Variants in SLC15A2 observed in about 807,000 individuals in gnomAD.
SLC15A2 encodes the protein kidney H(+)/peptide cotransporter.
In SLC15A2, 77 loss-of-function variants were observed where a neutral mutation model predicts 95.5. That is an observed-to-expected ratio of 0.81 (90% confidence interval 0.67 to 0.97). The LOEUF is 0.97. SLC15A2 is among the 50% of genes least tolerant of loss of function. SLC15A2 has a pLI of 0.00. For missense variants in SLC15A2, 893 were observed against 874.4 expected (o/e 1.02, Z -0.27); for synonymous variants, 306 against 306.9 (o/e 1.00, Z 0.03).
At chr3:121,915,198 G>C (rs760058797) in intron 5 of SLC15A2, 29 bp from the exon 6 acceptor site, 17 of 1,534,600 alleles carry the variant, frequency 1.1e-5, no homozygotes, top group Non-Finnish European at 1.4e-5. Flanking sequence ...GGGACACATT[G>C]CACTGATGAT....
At chr3:121,897,932 C>T (rs185034013) in intron 3 of SLC15A2, among the ~76,000 whole-genome samples, 2 of 152,220 alleles carry the variant, frequency 1.3e-5, no homozygotes, top group African/African-American at 4.8e-5. Context: ...GAGGCCGAGG[C>T]GGGCAGATTG....
intron 20 of SLC15A2, 87 bp downstream of exon 20, chr3:121,939,582 G>C: frequency 8.2e-7 from 1 of 1,213,956 alleles, no homozygotes; most frequent in Non-Finnish European, 1.1e-6. Flanking sequence ...AAATAGGTAT[G>C]TTATCTCTTT....
rs778534312 is a variant in SLC15A2 at position 121,911,583 on chromosome 3, C to T, written c.345C>T (p.Ile115=). 3 of 1,613,276 alleles carry T rather than the reference C, an allele frequency of 1.9e-6. No homozygotes were observed. In the South Asian group the frequency reaches 3.3e-5, roughly 18 times the overall value. ...TTAGCTCTCTCAACAGGACAATCAT[C>T]TATCTCTCCTTGGTGTATGTGCTTG... ...DSWLGKFKTI[I]YLSLVYVLGH... The change falls in exon 4 of 22, where the codon ATC becomes ATT. Residue 115 remains isoleucine, a synonymous_variant. Coordinates refer to ENST00000489711, the MANE Select transcript of SLC15A2 (RefSeq NM_021082.4).
chr3:121,941,425 GT>G lies in SLC15A2; in HGVS notation c.*429del, dbSNP rs370093110. 1,912 of 148,808 alleles carry G rather than the reference GT, an allele frequency of 0.013. 34 individuals are homozygous for G. The highest frequency in any genetic ancestry group is 0.041 in the African/African-American group (1,650 of 40,534). 9.2% of individuals were successfully genotyped at this position (148,808 alleles called of 1,614,324 possible). On this transcript the variant is annotated 3_prime_UTR_variant, in exon 22 of 22. Transcript: ENST00000489711. ...GAATAACAAAGAAATGGTATTTCAA[GT>G]TTTTTTTTTTATAAGCAATGTAATT...
chr3:121,937,543 C>G (rs1467287481), intron 19 of SLC15A2, among the ~76,000 whole-genome samples: 1 of 151,108 alleles, frequency 6.6e-6, no homozygotes, highest in African/African-American at 2.4e-5. Flanking sequence ...ACCCTTTCTT[C>G]CAGTGGATCG....
chr3:121,937,444 C>A, intron 19 of SLC15A2, among the ~76,000 whole-genome samples: 1 of 136,446 alleles, frequency 7.3e-6, no homozygotes, highest in Non-Finnish European at 1.6e-5. Context: ...TCCCATATTT[C>A]TTGGAGGCTT....
chr3:121,913,076 C>T lies in SLC15A2; in HGVS notation c.484C>T (p.Pro162Ser), dbSNP rs867335865. Residue 162 changes from proline to serine, a missense_variant, in exon 5 of 22, where the codon CCC (proline) becomes TCC (serine). Coordinates refer to ENST00000489711, the MANE Select transcript of SLC15A2 (RefSeq NM_021082.4). ...LIALGTGGIK[P>S]CVAAFGGDQF... is the part of the protein sequence containing the mutation. ...AGCTTTGGGGACAGGAGGCATCAAA[C>T]CCTGTGTGGCAGCTTTTGGTGGAGA... The T allele has an allele frequency of 6.2e-7, 1 of 1,613,916 alleles. No homozygotes were observed. The highest frequency in any genetic ancestry group is 8.5e-7 in the Non-Finnish European group (1 of 1,179,862).
In SLC15A2 at chr3:121,897,681, A is replaced by G. The variant is rs1920303; in HGVS notation, c.335+152A>G. On this transcript the variant is annotated intron_variant, in intron 3 of 21. Transcript: ENST00000489711. Reference sequence around the variant, plus strand: ...ATCTGTGTAGTGTGGGAAATTTAAAAAAAAAGAATCTCTGTGGTAACAAGG... The same window carrying G: ...ATCTGTGTAGTGTGGGAAATTTAAAGAAAAAGAATCTCTGTGGTAACAAGG... 5,497 of 735,048 alleles carry G rather than the reference A, an allele frequency of 7.5e-3. 208 individuals are homozygous for G. In the African/African-American group the frequency reaches 0.087, roughly 12 times the overall value. 45.5% of individuals were successfully genotyped at this position (735,048 alleles called of 1,614,324 possible).
intron 3 of SLC15A2, among the ~76,000 whole-genome samples, chr3:121,905,428 T>G (rs193111929): frequency 7.8e-4 from 119 of 152,346 alleles, no homozygotes; most frequent in African/African-American, 2.6e-3. Context: ...CTAGTTCTTT[T>G]AATGGTGATG....
Position 121,923,058 on chromosome 3 carries a change from G to A in SLC15A2, c.886G>A (p.Val296Ile). The change falls in exon 10 of 22, where the codon GTA becomes ATA. Residue 296 changes from valine to isoleucine, a missense_variant. Val to Ile is a conservative substitution (Grantham distance 29). Coordinates refer to ENST00000489711, the MANE Select transcript of SLC15A2 (RefSeq NM_021082.4). ...TTCGCAGAAGCAGCTCATTATGGAT[G>A]TAAAGGCACTGACCAGGGTACTATT... ...EKYPKQLIMD[V>I]KALTRVLFLY... 6.2e-7 allele frequency: 1 copy of A among 1,613,956 alleles called. No individual in the cohort carries two copies. The highest frequency in any genetic ancestry group is 1.1e-5 in the South Asian group (1 of 91,068).
intron 7 of SLC15A2, among the ~76,000 whole-genome samples, chr3:121,922,018 T>A (rs1310827556): frequency 2.0e-5 from 3 of 152,184 alleles, no homozygotes; most frequent in Non-Finnish European, 4.4e-5. Flanking sequence ...GAAATGTAAG[T>A]CAGCTCCCTC....
intron 19 of SLC15A2, among the ~76,000 whole-genome samples, chr3:121,937,838 G>A (rs976817768): frequency 2.0e-5 from 3 of 152,090 alleles, no homozygotes; most frequent in Non-Finnish European, 4.4e-5. Flanking sequence ...GAGGAGAGGT[G>A]CTCTGCTTTT....
intron 19 of SLC15A2, among the ~76,000 whole-genome samples, chr3:121,938,972 A>C (rs1710405664): frequency 2.0e-5 from 3 of 152,376 alleles, no homozygotes; most frequent in South Asian, 4.1e-4. Flanking sequence ...CTCAAAGAAT[A>C]AACACACCCT....
At chr3:121,916,555 A>C (rs1709897559) in intron 7 of SLC15A2, among the ~76,000 whole-genome samples, 1 of 152,192 alleles carries the variant, frequency 6.6e-6, no homozygotes, top group South Asian at 2.1e-4. Flanking sequence ...ATGCCAAGGA[A>C]ATTTATTATA....
At chr3:121,920,746 G>T (rs1006682510) in intron 7 of SLC15A2, among the ~76,000 whole-genome samples, 1 of 152,198 alleles carries the variant, frequency 6.6e-6, no homozygotes, top group Non-Finnish European at 1.5e-5. Context: ...ATGAGAAAAA[G>T]TGGTAGAGTG....
intron 10 of SLC15A2, 28 bp downstream of exon 10, chr3:121,923,157 G>A (rs766754572): frequency 1.6e-5 from 26 of 1,612,194 alleles, no homozygotes; most frequent in South Asian, 2.2e-5. Context: ...GGACATTACC[G>A]CTCCTTACAG....
At chr3:121,903,794 A>G (rs1473733224) in intron 3 of SLC15A2, among the ~76,000 whole-genome samples, 1 of 152,160 alleles carries the variant, frequency 6.6e-6, no homozygotes, top group Non-Finnish European at 1.5e-5. Context: ...TGATGCCTCC[A>G]GCTTTGTTCT....
intron 14 of SLC15A2, 99 bp downstream of exon 14, chr3:121,927,938 G>T (rs948947153): frequency 1.2e-5 from 10 of 849,506 alleles, no homozygotes; most frequent in African/African-American, 1.7e-5. Flanking sequence ...ACCTAGCACA[G>T]TACCTGTTTT....
At chr3:121,919,664 T>C (rs1302169178) in intron 7 of SLC15A2, among the ~76,000 whole-genome samples, 1 of 152,214 alleles carries the variant, frequency 6.6e-6, no homozygotes, top group Non-Finnish European at 1.5e-5. Context: ...TAAACTGTCT[T>C]TGGCTTGAAG....
Sources: gnomAD v4.1 joint callset for allele counts (sites outside exome capture counted in the v4.1 genomes callset) on GRCh38, gnomAD v4.1.1 for gene constraint, MANE v1.5 for transcripts, NCBI Gene and HGNC (gene_info 2026-07-23, HGNC 2026-07-21) for gene names.